Variants in GRTP1 observed in about 807,000 individuals in gnomAD.
GRTP1 encodes growth hormone regulated TBC protein 1, also known as growth hormone-regulated TBC protein 1.
GRTP1 carries 56 observed loss-of-function variants against 38.1 expected under a neutral mutation model. The ratio of observed to expected loss-of-function variants is 1.47; its 90% CI spans 1.19 to 1.84. The LOEUF (loss-of-function observed/expected upper bound fraction) is 1.84. GRTP1 is among the 40% of genes most tolerant of loss of function. GRTP1 has a pLI of 0.00. For missense variants in GRTP1, 506 were observed against 453.9 expected (o/e 1.11, Z -1.04); for synonymous variants, 217 against 189.5 (o/e 1.14, Z -1.19).
chr13:113,346,907 T>A (rs868658753), intron 4 of GRTP1, among the ~76,000 whole-genome samples: 2 of 576 alleles, frequency 3.5e-3, no homozygotes, highest in Non-Finnish European at 6.3e-3. Flanking sequence ...CCTCTGTGGC[T>A]GAGAGCGGAC....
At chr13:113,358,461 G>C (rs577159764) in intron 2 of GRTP1, among the ~76,000 whole-genome samples, 21 of 152,250 alleles carry the variant, frequency 1.4e-4, no homozygotes, top group Non-Finnish European at 2.1e-4. Context: ...ATACTTTGTA[G>C]ACAATGACAA....
intron 3 of GRTP1, chr13:113,355,067 T>G: frequency 2.5e-6 from 1 of 400,630 alleles, no homozygotes. Context: ...CGAGTCTTCA[T>G]GGAGCGCATC....
chr13:113,363,866 G>A lies in GRTP1; in HGVS notation c.77C>T (p.Ala26Val). Reference sequence around the variant, plus strand: ...GCTGGAGAAAAACTTCTCGTAGGCGGCGTCGTCGAAGTCCTCAGGCCGCTC... The same window carrying A: ...GCTGGAGAAAAACTTCTCGTAGGCGACGTCGTCGAAGTCCTCAGGCCGCTC... ...GFERPEDFDD[A>V]AYEKFFSSYL... Residue 26 changes from alanine to valine, a missense_variant, in exon 2 of 8, where the codon GCC becomes GTC. Coordinates refer to ENST00000375431, the MANE Select transcript of GRTP1 (RefSeq NM_024719.4). The A allele has an allele frequency of 1.2e-6, 2 of 1,611,944 alleles. No individual in the cohort carries two copies. Among genetic ancestry groups the A allele is most frequent in the Non-Finnish European group, 1.7e-6 (2 of 1,179,592 alleles).
At chr13:113,326,560 A>C (rs1334540424) in intron 5 of GRTP1, among the ~76,000 whole-genome samples, 1 of 152,072 alleles carries the variant, frequency 6.6e-6, no homozygotes, top group Non-Finnish European at 1.5e-5. Context: ...AACCCCAGCT[A>C]TTCAGGAGGC....
chr13:113,349,053 A>C lies in GRTP1; in HGVS notation c.465+1796T>G, dbSNP rs2043216799. 6.6e-6 allele frequency among the ~76,000 whole-genome samples: 1 copy of C among 152,162 alleles called. No homozygotes were observed. The highest frequency in any genetic ancestry group is 2.4e-5 in the African/African-American group (1 of 41,428). On this transcript the variant is annotated intron_variant, in intron 4 of 7. Transcript: ENST00000375431. The surrounding 1 kb of genome is among the most constrained non-coding windows in gnomAD (Gnocchi z 5.0). ...TGTGTTTGTGCCTTGTTTTTTAAGA[A>C]TAGAGATGGGGTCTTGCTCTATTGC...
chr13:113,331,037 T>C (rs1189729295), intron 5 of GRTP1, among the ~76,000 whole-genome samples: 2 of 148,624 alleles, frequency 1.3e-5, no homozygotes, highest in African/African-American at 2.5e-5. Context: ...AGCACAGGTG[T>C]GTGCATGGGA....
intron 4 of GRTP1, among the ~76,000 whole-genome samples, chr13:113,347,380 C>A (rs1422170023): frequency 2.2e-4 from 12 of 55,780 alleles, no homozygotes; most frequent in African/African-American, 6.8e-4. Context: ...ACCTCTGAAG[C>A]CGAGAGCAGA....
intron 5 of GRTP1, among the ~76,000 whole-genome samples, chr13:113,338,332 C>T (rs1231441125): frequency 6.6e-6 from 1 of 152,166 alleles, no homozygotes; most frequent in Non-Finnish European, 1.5e-5. Context: ...TGGATGGTCA[C>T]AGGCCACGGG....
intron 3 of GRTP1, among the ~76,000 whole-genome samples, chr13:113,352,283 TATATATATTTATATATATTTTA>T (rs2043287365): frequency 2.1e-5 from 1 of 48,534 alleles, no homozygotes; most frequent in Non-Finnish European, 4.0e-5. Context: ...TATATATATT[TATATATATTTATATATATTTTA>T]TATATATTTT....
At chr13:113,340,212 C>G (rs2043007403) in intron 5 of GRTP1, among the ~76,000 whole-genome samples, 1 of 151,828 alleles carries the variant, frequency 6.6e-6, no homozygotes, top group East Asian at 1.9e-4. Flanking sequence ...TTTTAAAAAA[C>G]AGGAATTAAT....
rs370807480 is a variant in GRTP1 at position 113,349,826 on chromosome 13, C to T, written c.465+1023G>A. 5.6e-4 allele frequency among the ~76,000 whole-genome samples: 85 copies of T among 152,326 alleles called. No individual in the cohort carries two copies. Among genetic ancestry groups the T allele is most frequent in the African/African-American group, 2.0e-3 (83 of 41,566 alleles). ...AACTGCATTTTCTGGTTGGTGCACG[C>T]CTGGCTCCCGGCTCCTACAGGAAGT... is the stretch of plus-strand genomic sequence containing the variant. On this transcript the variant is annotated intron_variant, in intron 4 of 7. Transcript: ENST00000375431. This position sits in a 1 kb window ranked among gnomAD's most constrained non-coding sequence, Gnocchi z 5.0.
In GRTP1 at chr13:113,325,796, G is replaced by A; in HGVS notation, c.786C>T (p.Ile262=). Residue 262 remains isoleucine, a synonymous_variant, in exon 7 of 8, where the codon ATC becomes ATT. Transcript: ENST00000375431. ...TAATTAAGGTCAGGGCCACCCGGAA[G>A]ATAATCTTCGAGCCTTCGTTAAACA... ...DCLFNEGSKI[I]FRVALTLIKQ... The A allele has an allele frequency of 1.2e-6, 2 of 1,614,140 alleles. No individual in the cohort carries two copies. The highest frequency in any genetic ancestry group is 2.7e-5 in the African/African-American group (2 of 75,034).
chr13:113,345,510 C>T (rs2043089091), intron 4 of GRTP1, among the ~76,000 whole-genome samples: 1 of 152,258 alleles, frequency 6.6e-6, no homozygotes, highest in South Asian at 2.1e-4. Context: ...GGGGGCTTCG[C>T]AGCCGTGAGT....
At chr13:113,361,152 T>C (rs2043489538) in intron 2 of GRTP1, among the ~76,000 whole-genome samples, 1 of 143,860 alleles carries the variant, frequency 7.0e-6, no homozygotes, top group East Asian at 2.0e-4. Flanking sequence ...AAGAAGAAAG[T>C]TGTTACTTCA....
chr13:113,350,522 C>A (rs1484730926), intron 4 of GRTP1, among the ~76,000 whole-genome samples: 1 of 149,228 alleles, frequency 6.7e-6, no homozygotes, highest in African/African-American at 2.5e-5. Flanking sequence ...CATACACACC[C>A]CACAGCACAC....
chr13:113,324,451 T>A lies in GRTP1; in HGVS notation c.*37A>T. On this transcript the variant is annotated 3_prime_UTR_variant, in exon 8 of 8. Transcript: ENST00000375431. ...GTGTCAACTCTGGAAAGGGGCATCG[T>A]CAGTGTAGAGACGAGCAACGCAGGG... is the stretch of plus-strand genomic sequence containing the variant. 1 of 1,532,510 alleles carries A rather than the reference T, an allele frequency of 6.5e-7. No individual in the cohort carries two copies. Among genetic ancestry groups the A allele is most frequent in the Non-Finnish European group, 8.8e-7 (1 of 1,138,348 alleles). The allele number at this position is 1,532,510 out of a possible 1,614,324, so 94.9% of individuals were successfully genotyped here.
At chr13:113,340,002 A>T (rs2043004361) in intron 5 of GRTP1, 1 of 152,036 alleles carries the variant, frequency 6.6e-6, no homozygotes, top group Non-Finnish European at 1.5e-5. Context: ...TATTTTCTGC[A>T]AGATTGATTA....
At chr13:113,355,993 C>T (rs2139523071) in intron 2 of GRTP1, among the ~76,000 whole-genome samples, 1 of 152,036 alleles carries the variant, frequency 6.6e-6, no homozygotes, top group South Asian at 2.1e-4. Flanking sequence ...TTTTAATTGA[C>T]AATAAAAATG....
At chr13:113,353,373 G>A (rs1285602432) in intron 3 of GRTP1, among the ~76,000 whole-genome samples, 13 of 152,258 alleles carry the variant, frequency 8.5e-5, no homozygotes, top group Non-Finnish European at 4.4e-5. Flanking sequence ...TCCACTGATA[G>A]ATGGATAAAT....
Sources: allele counts gnomAD v4.1 joint callset (sites outside exome capture counted in the v4.1 genomes callset), GRCh38; gene constraint gnomAD v4.1.1; non-coding constraint Gnocchi (gnomAD v3.1); transcripts MANE v1.5; gene names NCBI Gene and HGNC (gene_info 2026-07-23, HGNC 2026-07-21).